Variants in NEU3 observed in about 807,000 individuals in gnomAD.
NEU3 encodes the protein neuraminidase 3.
A neutral mutation model predicts 11.4 loss-of-function variants in NEU3; 10 were observed. That is an observed-to-expected ratio of 0.88 (90% confidence interval 0.54 to 1.49). NEU3 has a LOEUF of 1.49. Ranked by LOEUF, NEU3 falls within the 40% of genes most tolerant of loss-of-function variation. The pLI is 0.00. For synonymous variants in NEU3, 212 were observed against 228.2 expected (o/e 0.93, Z 0.64); for missense variants, 529 against 581.8 (o/e 0.91, Z 0.93).
At chr11:74,983,359 G>T (rs553127542), upstream of NEU3, among the ~76,000 whole-genome samples, 1 of 152,122 alleles carries the variant, frequency 6.6e-6, no homozygotes, top group Admixed American at 6.6e-5. Flanking sequence ...ACATACAACC[G>T]CAAGAGGAAA....
chr11:75,005,855 T>A lies in NEU3; in HGVS notation c.749T>A (p.Leu250His), dbSNP rs527628861. ...GGGGTCACATGGCACCATGGTAGAC[T>A]CATTAGGCCCATGGTTACAGTAGAA... ...DLGVTWHHGR[L>H]IRPMVTVECE... Residue 250 changes from leucine (L) to histidine (H), a missense_variant, in exon 3 of 3, where the codon CTC (leucine) becomes CAC (histidine). Physicochemically the swap from Leu to His is moderately conservative, Grantham distance 99. Coordinates refer to ENST00000294064, the MANE Select transcript of NEU3 (RefSeq NM_006656.6). The A allele has an allele frequency of 4.3e-6, 7 of 1,613,928 alleles. No individual in the cohort carries two copies. In the Admixed American group the frequency reaches 1.2e-4, roughly 27 times the overall value.
Position 74,994,567 on chromosome 11 carries a change from T to C in NEU3, c.153T>C (p.Asp51=), listed in dbSNP as rs1382270308. 1.9e-6 allele frequency: 3 copies of C among 1,613,966 alleles called. No homozygotes were observed. Among genetic ancestry groups the C allele is most frequent in the East Asian group, 2.2e-5 (1 of 44,880 alleles). Residue 51 remains aspartate (D), a synonymous_variant, in exon 2 of 3, where the codon GAT becomes GAC. Coordinates refer to ENST00000294064, the MANE Select transcript of NEU3 (RefSeq NM_006656.6). ...ACAGCCCTCTGTTCCGGCAGGAAGA[T>C]GACAGAGGGATTACCTACCGGATCC... ...SFNSPLFRQE[D]DRGITYRIPA... is the part of the protein sequence containing the mutation.
At position 75,006,488 on chromosome 11, in the gene NEU3, A is replaced by C; in HGVS notation, c.1382A>C (p.Asn461Thr). ...PGRNPSQFKS[N>T] Reference sequence around the variant, plus strand: ...AGGAACCCAAGCCAATTCAAAAGCAATTAATTGGCTTAGGACCCAATTTCC... The same window carrying C: ...AGGAACCCAAGCCAATTCAAAAGCACTTAATTGGCTTAGGACCCAATTTCC... Residue 461 changes from asparagine (N) to threonine (T), a missense_variant, in exon 3 of 3, where the codon AAT (asparagine) becomes ACT (threonine). By Grantham distance (65) the Asn-to-Thr change is moderately conservative (BLOSUM62 0). Transcript: ENST00000294064. 6.2e-7 allele frequency: 1 copy of C among 1,606,990 alleles called. No homozygotes were observed. The highest frequency in any genetic ancestry group is 1.7e-5 in the Admixed American group (1 of 59,552).
intron 2 of NEU3, among the ~76,000 whole-genome samples, chr11:75,004,747 G>C (rs1019787136): frequency 1.3e-5 from 2 of 152,114 alleles, no homozygotes; most frequent in African/African-American, 2.4e-5. Context: ...GTTTGAACTA[G>C]GTGTCTCTGA....
chr11:74,988,843 G>T, upstream of NEU3: 1 of 551,344 alleles, frequency 1.8e-6, no homozygotes, highest in Admixed American at 3.6e-5. Context: ...GGGACGGGGA[G>T]GGCTCGCGGA....
At chr11:75,013,743 G>C (rs1295709319), downstream of NEU3, among the ~76,000 whole-genome samples, 1 of 152,134 alleles carries the variant, frequency 6.6e-6, no homozygotes, top group Non-Finnish European at 1.5e-5. Flanking sequence ...ATGTACTTTG[G>C]GTTATACATA....
upstream of NEU3, among the ~76,000 whole-genome samples, chr11:74,985,187 G>C (rs1411786280): frequency 6.6e-6 from 1 of 152,122 alleles, no homozygotes; most frequent in East Asian, 1.9e-4. Context: ...AGAACCCCAG[G>C]ACATGACCCG....
At chr11:75,014,735 C>T (rs565083889), downstream of NEU3, among the ~76,000 whole-genome samples, 4 of 151,826 alleles carry the variant, frequency 2.6e-5, no homozygotes, top group African/African-American at 7.3e-5. Flanking sequence ...TGTAGGGGCA[C>T]GCACCTGTAG....
chr11:75,006,615 C>G lies in NEU3; in HGVS notation c.*123C>G. ...TGTTCCCTACCTTTTTTCACTTTTCCTCCTCCAAAGAGCAAAATGAAAATT... is the reference window on the plus strand; with the variant it reads ...TGTTCCCTACCTTTTTTCACTTTTCGTCCTCCAAAGAGCAAAATGAAAATT... On this transcript the variant is annotated 3_prime_UTR_variant, in exon 3 of 3. Transcript: ENST00000294064. 1 of 1,246,232 alleles carries G rather than the reference C, an allele frequency of 8.0e-7. No individual in the cohort carries two copies. The highest frequency in any genetic ancestry group is 1.1e-6 in the Non-Finnish European group (1 of 926,548). 77.2% of individuals were successfully genotyped at this position (1,246,232 alleles called of 1,614,324 possible).
chr11:74,993,405 C>T (rs961381410), intron 1 of NEU3, among the ~76,000 whole-genome samples: 65 of 152,250 alleles, frequency 4.3e-4, no homozygotes, highest in Middle Eastern at 6.8e-3. Context: ...GGGGTTTCAC[C>T]ATGTTAGCCA....
In NEU3 at chr11:75,001,853, A is replaced by G. The variant is rs536502443; in HGVS notation, c.307-3560A>G. On this transcript the variant is annotated intron_variant, in intron 2 of 2. Transcript: ENST00000294064. ...CAAAAACTAGACTGCTTAATAAGTA[A>G]GCTGACTTGATCACATATCTCTGGC... Among the ~76,000 whole-genome samples, 3 of 152,364 alleles carry G rather than the reference A, an allele frequency of 2.0e-5. No individual in the cohort carries two copies. In the East Asian group the frequency reaches 5.8e-4, roughly 29 times the overall value.
rs1473648322 is a variant in NEU3, at chr11:75,008,925, C to T, written c.*2433C>T. 3.9e-5 allele frequency: 6 copies of T among 152,112 alleles called. No individual in the cohort carries two copies. Among genetic ancestry groups the T allele is most frequent in the African/African-American group, 1.2e-4 (5 of 41,402 alleles). The allele number at this position is 152,112 out of a possible 1,614,324, so 9.4% of individuals were successfully genotyped here. ...GGGACCTTGGTCTGTGCCACTGTGA[C>T]GCAGAGATGTATAATACCAGTACTC... On this transcript the variant is annotated 3_prime_UTR_variant, in exon 3 of 3. Transcript: ENST00000294064.
chr11:75,018,709 G>A (rs1156917690), exon 4 of NEU3: 2 of 152,232 alleles, frequency 1.3e-5, no homozygotes, highest in East Asian at 1.9e-4. Flanking sequence ...GACTAATACA[G>A]TAAATTGGTA....
At chr11:75,019,881 G>A (rs1948996294), downstream of NEU3, among the ~76,000 whole-genome samples, 1 of 152,172 alleles carries the variant, frequency 6.6e-6, no homozygotes, top group Admixed American at 6.5e-5. Context: ...CTCCAGAATT[G>A]TAAATCCACT....
chr11:75,012,564 A>G (rs147978982), downstream of NEU3, among the ~76,000 whole-genome samples: 1 of 152,098 alleles, frequency 6.6e-6, no homozygotes, highest in Admixed American at 6.5e-5. Flanking sequence ...AGAGTATTAA[A>G]CCTTTTGGCG....
chr11:74,986,278 A>G (rs1168190433), upstream of NEU3, among the ~76,000 whole-genome samples: 1 of 152,174 alleles, frequency 6.6e-6, no homozygotes, highest in Non-Finnish European at 1.5e-5. Context: ...TGCTGCTATG[A>G]GCATTCTTGT....
downstream of NEU3, among the ~76,000 whole-genome samples, chr11:75,014,664 G>A (rs1948973568): frequency 6.6e-6 from 1 of 152,128 alleles, no homozygotes; most frequent in Admixed American, 6.5e-5. Context: ...AGGAGTTCAA[G>A]ACCAGCCTGG....
upstream of NEU3, among the ~76,000 whole-genome samples, chr11:74,987,318 C>T (rs1221440628): frequency 6.6e-6 from 1 of 152,108 alleles, no homozygotes; most frequent in Non-Finnish European, 1.5e-5. Flanking sequence ...TTTTGATGTT[C>T]TAATTTTTCC....
At chr11:75,017,194 T>C (rs1490814641) in intron 3 of NEU3, among the ~76,000 whole-genome samples, 2 of 152,146 alleles carry the variant, frequency 1.3e-5, no homozygotes, top group Non-Finnish European at 2.9e-5. Context: ...CCAAGGCCAG[T>C]GAGTATCCCA....
Sources: allele counts gnomAD v4.1 joint callset (sites outside exome capture counted in the v4.1 genomes callset), GRCh38; gene constraint gnomAD v4.1.1; transcripts MANE v1.5; gene names NCBI Gene and HGNC (gene_info 2026-07-23, HGNC 2026-07-21).